RIMBP2: variants seen among roughly 807,000 people sequenced by gnomAD.
RIMBP2 encodes RIMS-binding protein 2.
RIMBP2 carries 48 observed loss-of-function variants against 118.6 expected under a neutral mutation model. The observed-to-expected ratio is 0.40, with a 90% CI of 0.32 to 0.51. The LOEUF (loss-of-function observed/expected upper bound fraction) is 0.51. RIMBP2 is among the 20% of genes least tolerant of loss of function. The pLI, the probability that RIMBP2 is intolerant of heterozygous loss-of-function variation, is 0.41. For missense variants in RIMBP2, 1,551 were observed against 1,768.3 expected, an observed-to-expected ratio of 0.88 and a Z score of 2.20; for synonymous variants, 762 against 742.9, an observed-to-expected ratio of 1.03 and a Z score of -0.42.
chr12:130,494,554 G>A (rs1284474586), intron 4 of RIMBP2, among the ~76,000 whole-genome samples: 3 of 151,498 alleles, frequency 2.0e-5, no homozygotes, highest in African/African-American at 7.3e-5. Flanking sequence ...AGGGAGAATC[G>A]CTTGAACCCA....
intron 11 of RIMBP2, 76 bp downstream of exon 11, chr12:130,441,772 A>C: frequency 7.5e-7 from 1 of 1,338,304 alleles, no homozygotes. Context: ...TGCCTGCCCC[A>C]CCTTCCCTCC....
At position 130,511,273 on chromosome 12, in the gene RIMBP2, G is replaced by A. The variant is rs898479720; in HGVS notation, c.-126-4503C>T. Among the ~76,000 whole-genome samples the A allele has an allele frequency of 7.9e-5, 12 of 152,166 alleles. No homozygotes were observed. The highest frequency in any genetic ancestry group is 1.9e-4 in the African/African-American group (8 of 41,434). ...CCCCAGAGCCTCAGGAAAGCACACC[G>A]GCCTGCTGACATCTTGACTTTAGGA... On this transcript the variant is annotated intron_variant, in intron 3 of 22. Coordinates refer to ENST00000690449, the MANE Select transcript of RIMBP2 (RefSeq NM_001393629.1). This position sits in a 1 kb window ranked among gnomAD's most constrained non-coding sequence, Gnocchi z 4.3.
chr12:130,444,332 G>A (rs2078357513), intron 10 of RIMBP2, among the ~76,000 whole-genome samples: 1 of 152,096 alleles, frequency 6.6e-6, no homozygotes, highest in Non-Finnish European at 1.5e-5. Context: ...ACCTCTAGAA[G>A]TGACCCGACC....
At position 130,451,469 on chromosome 12, in the gene RIMBP2, C is replaced by T. The variant is rs1167203531; in HGVS notation, c.359-129G>A. ...AGCCACTGATTTTCATTTTGGGGTC[C>T]ACCCGTCTCCTGCTCGCCATCTATG... On this transcript the variant is annotated intron_variant, in intron 7 of 22. Transcript: ENST00000690449. The T allele has an allele frequency of 4.0e-6, 4 of 994,792 alleles. No individual in the cohort carries two copies. In the East Asian group the frequency reaches 7.9e-5, roughly 20 times the overall value. 61.6% of individuals were successfully genotyped at this position (994,792 alleles called of 1,614,324 possible).
At chr12:130,652,944 C>A (rs148805191) in intron 1 of RIMBP2, among the ~76,000 whole-genome samples, 152 of 152,300 alleles carry the variant, frequency 1.0e-3, no homozygotes, top group African/African-American at 3.5e-3. Context: ...GATGAGGGAT[C>A]CACCCCCATG....
In RIMBP2 at chr12:130,437,132, G is replaced by A; in HGVS notation, c.1816C>T (p.Pro606Ser). ...GGTGCAGGTCTCGGGTGGGGGGTAG[G>A]AGGCACCAGGAGCTCGGGGGGAACG... Reference protein sequence around the residue: ...AAVPPELLVPPTPHPRPAPQS... With the variant: ...AAVPPELLVPSTPHPRPAPQS... The change falls in exon 13 of 23, where the codon CCT (proline) becomes TCT (serine). Residue 606 changes from proline (P) to serine (S), a missense_variant. Coordinates refer to ENST00000690449, the MANE Select transcript of RIMBP2 (RefSeq NM_001393629.1). 6.3e-7 allele frequency: 1 copy of A among 1,583,262 alleles called. No homozygotes were observed. Among genetic ancestry groups the A allele is most frequent in the Non-Finnish European group, 8.6e-7 (1 of 1,163,802 alleles).
intron 2 of RIMBP2, among the ~76,000 whole-genome samples, chr12:130,543,370 AAACACAT>A (rs1477582162): frequency 2.0e-5 from 3 of 152,244 alleles, no homozygotes; most frequent in Non-Finnish European, 4.4e-5. Context: ...GTTCTGGGAA[AAACACAT>A]TCTAAAAAGT....
intron 1 of RIMBP2, among the ~76,000 whole-genome samples, chr12:130,674,205 T>TTC (rs993228026): frequency 1.3e-5 from 2 of 152,166 alleles, no homozygotes; most frequent in Admixed American, 6.5e-5. Context: ...TCTCCTTCGC[T>TTC]TCTCTCTCTC....
At chr12:130,443,215 C>A (rs1308938458) in intron 10 of RIMBP2, among the ~76,000 whole-genome samples, 1 of 147,636 alleles carries the variant, frequency 6.8e-6, no homozygotes, top group African/African-American at 2.6e-5. Context: ...ACAAAACTAT[C>A]AATTTGGTGT....
intron 4 of RIMBP2, among the ~76,000 whole-genome samples, chr12:130,486,795 T>C (rs1469964836): frequency 3.3e-5 from 5 of 151,470 alleles, no homozygotes; most frequent in African/African-American, 1.2e-4. Context: ...TGTCCAACGC[T>C]GCCACCTCAT....
In RIMBP2 at chr12:130,646,231, CTGCCTCTCCACCTCCCTCACCACT is replaced by C. The variant is rs2062927576; in HGVS notation, c.-351-17799_-351-17776del. Among the ~76,000 whole-genome samples the C allele has an allele frequency of 5.5e-5, 3 of 54,290 alleles. 1 individual carries two copies. The highest frequency in any genetic ancestry group is 1.2e-4 in the Non-Finnish European group (3 of 24,822). 35.6% of individuals were successfully genotyped at this position (54,290 alleles called of 152,430 possible). A position where few individuals can be genotyped will look rare whatever the true frequency, so the allele number is the denominator to read the frequency against. On this transcript the variant is annotated intron_variant, in intron 1 of 22. Transcript: ENST00000690449. ...CCTCCCTCTCCACCTCCCTCACCAC[CTGCCTCTCCACCTCCCTCACCACT>C]TCCCTCTCCACCTGCCTCACCACCT...
At chr12:130,568,263 C>T (rs1011186846) in intron 2 of RIMBP2, among the ~76,000 whole-genome samples, 3 of 152,190 alleles carry the variant, frequency 2.0e-5, no homozygotes, top group Non-Finnish European at 2.9e-5. Context: ...GGACTCAGCA[C>T]GGGGGTGTGG....
intron 1 of RIMBP2, among the ~76,000 whole-genome samples, chr12:130,646,627 G>A (rs377486369): frequency 6.6e-6 from 1 of 152,174 alleles, no homozygotes. Context: ...CAATCTTAGA[G>A]GTATAGGGAG....
rs187831966 is a variant in RIMBP2 at position 130,550,060 on chromosome 12, G to A, written c.-216-32143C>T. 5.3e-5 allele frequency among the ~76,000 whole-genome samples: 8 copies of A among 152,278 alleles called. No individual in the cohort carries two copies. The East Asian group carries it at 5.8e-4, about 11-fold the overall frequency. On this transcript the variant is annotated intron_variant, in intron 2 of 22. Coordinates refer to ENST00000690449, the MANE Select transcript of RIMBP2 (RefSeq NM_001393629.1). ...TAACAATAGCCATTCTGACAGGTGCGAGATTGTATCTCACTGAGTACACGC... is the reference window on the plus strand; with the variant it reads ...TAACAATAGCCATTCTGACAGGTGCAAGATTGTATCTCACTGAGTACACGC...
chr12:130,507,559 A>G (rs888802145), intron 3 of RIMBP2, among the ~76,000 whole-genome samples: 1 of 152,224 alleles, frequency 6.6e-6, no homozygotes, highest in Non-Finnish European at 1.5e-5. Flanking sequence ...GCATTCCCCC[A>G]ATAAACCCAA....
chr12:130,572,373 C>CA (rs2057743756), intron 2 of RIMBP2, among the ~76,000 whole-genome samples: 1 of 152,110 alleles, frequency 6.6e-6, no homozygotes, highest in East Asian at 1.9e-4. Context: ...CCAGCAGTCA[C>CA]AAAAAACCCA....
Position 130,447,255 on chromosome 12 carries a change from T to C in RIMBP2, c.582-1986A>G, listed in dbSNP as rs988292773. On this transcript the variant is annotated intron_variant, in intron 9 of 22. Coordinates refer to ENST00000690449, the MANE Select transcript of RIMBP2 (RefSeq NM_001393629.1). The surrounding 1 kb of genome is among the most constrained non-coding windows in gnomAD (Gnocchi z 4.4). ...GAGGGAAGGTGAACACCGAGAAGGG[T>C]GGAAGAAGGTCCCTGGCTGGTAAGG... is the stretch of plus-strand genomic sequence containing the variant. Among the ~76,000 whole-genome samples, 1 of 136,546 alleles carries C rather than the reference T, an allele frequency of 7.3e-6. No homozygotes were observed. Among genetic ancestry groups the C allele is most frequent in the East Asian group, 2.2e-4 (1 of 4,624 alleles). 89.6% of individuals were successfully genotyped at this position (136,546 alleles called of 152,430 possible). A position where few individuals can be genotyped will look rare whatever the true frequency, so the allele number is the denominator to read the frequency against.
chr12:130,584,933 C>T (rs1320461135), intron 2 of RIMBP2, among the ~76,000 whole-genome samples: 1 of 152,092 alleles, frequency 6.6e-6, no homozygotes, highest in African/African-American at 2.4e-5. Flanking sequence ...CTATGTCACC[C>T]AGGCTGGAAT....
Position 130,601,455 on chromosome 12 carries a change from A to G in RIMBP2, c.-217+26867T>C, listed in dbSNP as rs2059881462. Among the ~76,000 whole-genome samples, 3 of 151,850 alleles carry G rather than the reference A, an allele frequency of 2.0e-5. No homozygotes were observed. The South Asian group carries it at 6.2e-4, about 32-fold the overall frequency. ...TCCATCATGTTGAAAAGCCAGCTACATCCATGGATTAAAAATTAATTTACT... is the reference window on the plus strand; with the variant it reads ...TCCATCATGTTGAAAAGCCAGCTACGTCCATGGATTAAAAATTAATTTACT... On this transcript the variant is annotated intron_variant, in intron 2 of 22. Transcript: ENST00000690449.
Sources: gnomAD v4.1 joint callset for allele counts (sites outside exome capture counted in the v4.1 genomes callset) on GRCh38, gnomAD v4.1.1 for gene constraint, Gnocchi (gnomAD v3.1) non-coding constraint, MANE v1.5 for transcripts, NCBI Gene and HGNC (gene_info 2026-07-23, HGNC 2026-07-21) for gene names.